Variants in ZNF813 observed in about 807,000 individuals in gnomAD.
ZNF813 encodes the protein zinc finger protein 813.
ZNF813 carries 3 observed loss-of-function variants against 7.2 expected under a neutral mutation model. That is an observed-to-expected ratio of 0.42 (90% CI 0.19 to 1.08). The LOEUF (loss-of-function observed/expected upper bound fraction) is 1.08, where lower values mean the gene tolerates loss of function less well. ZNF813 is among the 50% of genes least tolerant of loss of function. The pLI, the probability that ZNF813 is intolerant of heterozygous loss-of-function variation, is 0.30. For missense variants in ZNF813, 714 were observed against 753.3 expected (o/e 0.95, Z 0.61); for synonymous variants, 227 against 256.3 (o/e 0.89, Z 1.09).
In ZNF813 at chr19:53,492,573, T is replaced by C. The variant is rs767864771; in HGVS notation, c.*487T>C. On this transcript the variant is annotated 3_prime_UTR_variant, in exon 4 of 4. Transcript: ENST00000396403. Reference sequence around the variant, plus strand: ...TGTAATGAGTCTGGCAAAGCCTTAATGAGCAGTCAACACTTACTCACCATC... The same window carrying C: ...TGTAATGAGTCTGGCAAAGCCTTAACGAGCAGTCAACACTTACTCACCATC... The C allele has an allele frequency of 3.3e-6, 2 of 599,062 alleles. No homozygotes were observed. Among genetic ancestry groups the C allele is most frequent in the Non-Finnish European group, 6.0e-6 (2 of 330,764 alleles). The allele number at this position is 599,062 out of a possible 1,614,324, so 37.1% of individuals were successfully genotyped here. A position where few individuals can be genotyped will look rare whatever the true frequency, so the allele number is the denominator to read the frequency against.
At chr19:53,471,930 T>C (rs944911058) in intron 1 of ZNF813, among the ~76,000 whole-genome samples, 21 of 152,152 alleles carry the variant, frequency 1.4e-4, no homozygotes, top group African/African-American at 5.1e-4. Flanking sequence ...TGTTAGTCCT[T>C]CTACAAACAT....
At chr19:53,470,733 T>A (rs1454100391) in intron 1 of ZNF813, among the ~76,000 whole-genome samples, 1 of 151,002 alleles carries the variant, frequency 6.6e-6, no homozygotes, top group African/African-American at 2.4e-5. Context: ...ATTTTTTTAT[T>A]CTTGCAGTTA....
chr19:53,490,120 T>G (rs572311207), intron 3 of ZNF813, among the ~76,000 whole-genome samples: 128 of 152,348 alleles, frequency 8.4e-4, no homozygotes, highest in African/African-American at 2.8e-3. Flanking sequence ...AAAATACTCC[T>G]TACTTTAGGC....
At chr19:53,471,809 C>CAAGA (rs2086360650) in intron 1 of ZNF813, among the ~76,000 whole-genome samples, 1 of 121,124 alleles carries the variant, frequency 8.3e-6, no homozygotes, top group African/African-American at 3.2e-5. Flanking sequence ...GAGACTGTCT[C>CAAGA]AAAAAAAAAA....
At chr19:53,476,796 T>G (rs1241302326) in intron 1 of ZNF813, among the ~76,000 whole-genome samples, 1 of 152,038 alleles carries the variant, frequency 6.6e-6, no homozygotes, top group Non-Finnish European at 1.5e-5. Context: ...TCTGAGTAGC[T>G]GGGACTACAG....
chr19:53,486,320 G>T (rs1163251738), intron 2 of ZNF813, among the ~76,000 whole-genome samples: 3 of 151,502 alleles, frequency 2.0e-5, no homozygotes, highest in African/African-American at 7.3e-5. Flanking sequence ...GGTGGTGCGT[G>T]CCTGTAATAT....
At chr19:53,470,778 T>C (rs2086354794) in intron 1 of ZNF813, among the ~76,000 whole-genome samples, 1 of 151,670 alleles carries the variant, frequency 6.6e-6, no homozygotes, top group Non-Finnish European at 1.5e-5. Context: ...CATTGATTTC[T>C]AGGCAGCAAT....
intron 2 of ZNF813, among the ~76,000 whole-genome samples, chr19:53,485,607 T>G (rs1011104261): frequency 1.5e-4 from 11 of 74,294 alleles, no homozygotes; most frequent in Non-Finnish European, 2.5e-4. Context: ...ATGATATATA[T>G]CGTGATATAT....
rs759240337 is a variant in ZNF813 at position 53,492,439 on chromosome 19, C to G, written c.*353C>G. The G allele has an allele frequency of 4.7e-6, 2 of 421,192 alleles. No homozygotes were observed. The highest frequency in any genetic ancestry group is 9.1e-6 in the Non-Finnish European group (2 of 219,362). The allele number at this position is 421,192 out of a possible 1,614,324, so 26.1% of individuals were successfully genotyped here. On this transcript the variant is annotated 3_prime_UTR_variant, in exon 4 of 4. Coordinates refer to ENST00000396403, the MANE Select transcript of ZNF813 (RefSeq NM_001004301.4). ...AAACCTTGAAAGACATAAAATAAAT[C>G]ATACTGCAGAGAAACCATAAAATTG...
chr19:53,479,486 C>T, intron 1 of ZNF813: 2 of 1,454,462 alleles, frequency 1.4e-6, no homozygotes, highest in Non-Finnish European at 1.9e-6. Context: ...CAGGCTGAGG[C>T]TGAAGTGGCC....
intron 1 of ZNF813, among the ~76,000 whole-genome samples, chr19:53,469,803 G>GA (rs1480371570): frequency 2.3e-5 from 3 of 128,650 alleles, no homozygotes; most frequent in East Asian, 2.3e-4. Flanking sequence ...AGTGGGGACA[G>GA]GGGGTATAAC....
At position 53,491,610 on chromosome 19, in the gene ZNF813, A is replaced by G. The variant is rs747171828; in HGVS notation, c.1378A>G (p.Ile460Val). The change falls in exon 4 of 4, where the codon ATT (isoleucine) becomes GTT (valine). Residue 460 changes from isoleucine (I) to valine (V), a missense_variant. Around this residue, in one of 3 missense-constraint regions of ZNF813, gnomAD observed 563 missense variants for 554.2 expected, o/e 1.02. Transcript: ENST00000396403. ...TTCAGCCCTTGTAATTCATAAGGCT[A>G]TTCATATTGGAGAGAAACGTTACAA... ...RNSALVIHKA[I>V]HIGEKRYKCN... 2 of 1,613,176 alleles carry G rather than the reference A, an allele frequency of 1.2e-6. No homozygotes were observed. Among genetic ancestry groups the G allele is most frequent in the South Asian group, 1.1e-5 (1 of 91,014 alleles).
Position 53,492,770 on chromosome 19 carries a change from C to T in ZNF813, c.*684C>T. 1 of 592,814 alleles carries T rather than the reference C, an allele frequency of 1.7e-6. No individual in the cohort carries two copies. Among genetic ancestry groups the T allele is most frequent in the South Asian group, 1.5e-5 (1 of 67,442 alleles). 36.7% of individuals were successfully genotyped at this position (592,814 alleles called of 1,614,324 possible). On this transcript the variant is annotated 3_prime_UTR_variant, in exon 4 of 4. Transcript: ENST00000396403. ...CCATACCTTGCAGTTCATTGGCGAA[C>T]TCATACTGGAGACAAACCTTATAAA...
chr19:53,468,756 T>C lies in ZNF813; in HGVS notation c.-74+967T>C, dbSNP rs2086341061. Among the ~76,000 whole-genome samples, 6 of 152,282 alleles carry C rather than the reference T, an allele frequency of 3.9e-5. No individual in the cohort carries two copies. The South Asian group carries it at 1.0e-3, about 26-fold the overall frequency. ...CTCGCCTCCAGCCACAGGGCGGTTT[T>C]CTCCTATCTCAGAATAGAACGAATG... On this transcript the variant is annotated intron_variant, in intron 1 of 3. Coordinates refer to ENST00000396403, the MANE Select transcript of ZNF813 (RefSeq NM_001004301.4).
At chr19:53,468,790 C>T (rs1452243287) in intron 1 of ZNF813, among the ~76,000 whole-genome samples, 1 of 151,044 alleles carries the variant, frequency 6.6e-6, no homozygotes, top group African/African-American at 2.5e-5. Flanking sequence ...TGGAAATGGT[C>T]AGCTTTACAC....
intron 3 of ZNF813, among the ~76,000 whole-genome samples, chr19:53,488,054 T>A (rs1235549764): frequency 1.3e-5 from 2 of 152,224 alleles, no homozygotes; most frequent in Admixed American, 6.5e-5. Context: ...GATGAAGTTT[T>A]GTTCTTGTCG....
intron 1 of ZNF813, among the ~76,000 whole-genome samples, chr19:53,474,224 G>A (rs1371370444): frequency 1.3e-5 from 2 of 152,162 alleles, no homozygotes; most frequent in African/African-American, 4.8e-5. Flanking sequence ...ATCCTCTGTC[G>A]GATGCACGGA....
chr19:53,484,175 A>G (rs1429213756), intron 2 of ZNF813, among the ~76,000 whole-genome samples: 2 of 152,170 alleles, frequency 1.3e-5, no homozygotes, highest in African/African-American at 4.8e-5. Context: ...TCTGTGGACT[A>G]GGATTAGAGC....
At chr19:53,468,068 C>T (rs1280630600) in intron 1 of ZNF813, among the ~76,000 whole-genome samples, 1 of 152,260 alleles carries the variant, frequency 6.6e-6, no homozygotes, top group Non-Finnish European at 1.5e-5. Flanking sequence ...TCCTCCCACC[C>T]CGCGCTTTTT....
Sources: gnomAD v4.1 joint callset for allele counts (sites outside exome capture counted in the v4.1 genomes callset) on GRCh38, gnomAD v4.1.1 for gene constraint, gnomAD v4.1.1 regional missense constraint, MANE v1.5 for transcripts, NCBI Gene and HGNC (gene_info 2026-07-23, HGNC 2026-07-21) for gene names.